Variants in LIMCH1 observed in about 807,000 individuals in gnomAD.
LIMCH1 encodes the protein LIM and calponin homology domains-containing protein 1.
A neutral mutation model predicts 176.5 loss-of-function variants in LIMCH1; 113 were observed. The observed-to-expected ratio is 0.64, with a 90% CI of 0.55 to 0.75. LIMCH1 has a LOEUF of 0.75. Ranked by LOEUF, LIMCH1 falls within the 30% of genes least tolerant of loss-of-function variation. LIMCH1 has a pLI of 0.00. For missense variants in LIMCH1, 1,674 were observed against 1,814.9 expected, an observed-to-expected ratio of 0.92 and a Z score of 1.41; for synonymous variants, 619 against 645.9, an observed-to-expected ratio of 0.96 and a Z score of 0.63.
At chr4:41,652,194 G>A (rs1224829250) in intron 18 of LIMCH1, among the ~76,000 whole-genome samples, 1 of 152,106 alleles carries the variant, frequency 6.6e-6, no homozygotes, top group Non-Finnish European at 1.5e-5. Context: ...CCACCTAGAA[G>A]GCTGGATATC....
chr4:41,377,806 C>T lies in LIMCH1; in HGVS notation c.96+16870C>T, dbSNP rs565246998. 1.8e-4 allele frequency among the ~76,000 whole-genome samples: 27 copies of T among 152,306 alleles called. No homozygotes were observed. The South Asian group carries it at 5.2e-3, about 29-fold the overall frequency. On this transcript the variant is annotated intron_variant, in intron 1 of 26. Transcript: ENST00000313860. ...GAAGGGCTCACTAGAGACGGCCAAA[C>T]TGGTTTTGGTAAGAGACCCACTCTT...
chr4:41,443,755 C>T (rs1273443421), intron 1 of LIMCH1, among the ~76,000 whole-genome samples: 4 of 152,174 alleles, frequency 2.6e-5, no homozygotes, highest in South Asian at 4.1e-4. Context: ...GGGAGCAGCT[C>T]GGATGAGAGA....
chr4:41,372,497 G>A (rs2054128816), intron 1 of LIMCH1, among the ~76,000 whole-genome samples: 1 of 152,086 alleles, frequency 6.6e-6, no homozygotes, highest in Non-Finnish European at 1.5e-5. Context: ...TTAATAGTTT[G>A]GGCAGATAGT....
At chr4:41,454,935 CGTACATGT>C (rs1189554578) in intron 1 of LIMCH1, among the ~76,000 whole-genome samples, 104 of 137,956 alleles carry the variant, frequency 7.5e-4, no homozygotes, top group African/African-American at 2.8e-3. Context: ...TGCTTGTATG[CGTACATGT>C]GTGTGTGTGT....
chr4:41,592,760 C>T (rs927420358), intron 1 of LIMCH1, among the ~76,000 whole-genome samples: 3 of 152,156 alleles, frequency 2.0e-5, no homozygotes, highest in Middle Eastern at 3.2e-3. Flanking sequence ...AGGAACTATG[C>T]CCAAGGACAC....
chr4:41,464,704 T>C (rs1452175200), intron 1 of LIMCH1, among the ~76,000 whole-genome samples: 2 of 152,122 alleles, frequency 1.3e-5, no homozygotes, highest in Non-Finnish European at 2.9e-5. Context: ...TCAAGTCTGT[T>C]CATTCTAACC....
At chr4:41,387,709 C>T (rs746379611) in intron 1 of LIMCH1, among the ~76,000 whole-genome samples, 2 of 152,232 alleles carry the variant, frequency 1.3e-5, no homozygotes, top group South Asian at 4.1e-4. Context: ...GAGATATACT[C>T]ATGTTCAGTG....
At chr4:41,499,908 C>G (rs1030227028) in intron 2 of LIMCH1, among the ~76,000 whole-genome samples, 1 of 152,224 alleles carries the variant, frequency 6.6e-6, no homozygotes, top group African/African-American at 2.4e-5. Flanking sequence ...CTAGAACAAT[C>G]CATCTAGTCT....
At chr4:41,561,559 T>C (rs955590103) in intron 1 of LIMCH1, among the ~76,000 whole-genome samples, 1 of 152,224 alleles carries the variant, frequency 6.6e-6, no homozygotes, top group Non-Finnish European at 1.5e-5. Context: ...GTCTTGTTTA[T>C]GGTTTTCAAG....
chr4:41,552,390 A>G (rs1442938682), intron 1 of LIMCH1, among the ~76,000 whole-genome samples: 2 of 152,180 alleles, frequency 1.3e-5, no homozygotes, highest in Non-Finnish European at 2.9e-5. Context: ...TCTTTAAAAC[A>G]TGGCATGTGC....
At chr4:41,460,124 G>A (rs1483203492) in intron 1 of LIMCH1, among the ~76,000 whole-genome samples, 1 of 152,016 alleles carries the variant, frequency 6.6e-6, no homozygotes, top group Non-Finnish European at 1.5e-5. Context: ...AACAGACAGA[G>A]GATCGGCACA....
chr4:41,410,937 G>A lies in LIMCH1; in HGVS notation c.96+50001G>A, dbSNP rs188878730. ...TACCTGCTAGCCCATCCGGATAAAT[G>A]AACTCCATTCTATTGTCTTGCTGTT... On this transcript the variant is annotated intron_variant, in intron 1 of 26. Transcript: ENST00000313860. 2.6e-5 allele frequency among the ~76,000 whole-genome samples: 4 copies of A among 152,252 alleles called. No homozygotes were observed. The East Asian group carries it at 7.7e-4, about 29-fold the overall frequency.
chr4:41,439,098 A>G (rs1483955569), intron 1 of LIMCH1, among the ~76,000 whole-genome samples: 1 of 152,234 alleles, frequency 6.6e-6, no homozygotes, highest in African/African-American at 2.4e-5. Context: ...TGTACCCTTC[A>G]GCGTGCAGAT....
chr4:41,531,193 A>G (rs1047110335), intron 3 of LIMCH1, among the ~76,000 whole-genome samples: 1 of 152,082 alleles, frequency 6.6e-6, no homozygotes, highest in East Asian at 1.9e-4. Context: ...ACCTCTAAGG[A>G]GACCTAAGTT....
chr4:41,610,994 T>C (rs1346842269), intron 4 of LIMCH1, among the ~76,000 whole-genome samples: 10 of 152,202 alleles, frequency 6.6e-5, no homozygotes, highest in Admixed American at 6.5e-4. Flanking sequence ...CACTGGAACA[T>C]TTTGGATTTT....
intron 1 of LIMCH1, among the ~76,000 whole-genome samples, chr4:41,446,041 A>C (rs1009109348): frequency 6.6e-6 from 1 of 152,256 alleles, no homozygotes; most frequent in East Asian, 1.9e-4. Flanking sequence ...CTGAAGCCTC[A>C]GTACATTGGG....
intron 1 of LIMCH1, among the ~76,000 whole-genome samples, chr4:41,557,091 C>T (rs909408694): frequency 2.0e-5 from 3 of 152,130 alleles, no homozygotes; most frequent in African/African-American, 7.2e-5. Context: ...AGTTCTGTAT[C>T]GATTGCTTGA....
intron 26 of LIMCH1, among the ~76,000 whole-genome samples, chr4:41,683,351 A>T (rs1341638648): frequency 1.3e-5 from 2 of 152,040 alleles, no homozygotes; most frequent in African/African-American, 4.8e-5. Flanking sequence ...ACTGGAGCAG[A>T]CTCTGGTTGT....
At chr4:41,487,434 T>A (rs775143041) in intron 1 of LIMCH1, among the ~76,000 whole-genome samples, 1 of 152,160 alleles carries the variant, frequency 6.6e-6, no homozygotes, top group Non-Finnish European at 1.5e-5. Flanking sequence ...AACTAGCATC[T>A]TCCTGCAAAC....
Sources: allele counts gnomAD v4.1 joint callset (sites outside exome capture counted in the v4.1 genomes callset), GRCh38; gene constraint gnomAD v4.1.1; transcripts MANE v1.5; gene names NCBI Gene and HGNC (gene_info 2026-07-23, HGNC 2026-07-21).